Variants in BRINP3 observed in about 807,000 individuals in gnomAD.
BRINP3 encodes the protein BMP/retinoic acid-inducible neural-specific protein 3.
BRINP3 carries 19 observed loss-of-function variants against 71.0 expected under a neutral mutation model. The ratio of observed to expected loss-of-function variants is 0.27; its 90% CI spans 0.19 to 0.39. The LOEUF (loss-of-function observed/expected upper bound fraction) is 0.39. BRINP3 is among the 10% of genes least tolerant of loss of function. BRINP3 has a pLI of 1.00. For missense variants in BRINP3, 959 were observed against 940.8 expected (o/e 1.02, Z -0.25); for synonymous variants, 380 against 337.7 (o/e 1.13, Z -1.37).
At chr1:190,147,480 G>C (rs1216926641) in intron 7 of BRINP3, among the ~76,000 whole-genome samples, 1 of 152,022 alleles carries the variant, frequency 6.6e-6, no homozygotes, top group East Asian at 1.9e-4. Context: ...ATATATGAAA[G>C]TCCTTTTGTT....
intron 2 of BRINP3, among the ~76,000 whole-genome samples, chr1:190,300,618 C>A (rs560510567): frequency 6.6e-6 from 1 of 152,172 alleles, no homozygotes. Flanking sequence ...GGTACCTGAC[C>A]TCTGACCCCC....
At chr1:190,165,661 G>C (rs1335093209) in intron 6 of BRINP3, among the ~76,000 whole-genome samples, 10 of 145,696 alleles carry the variant, frequency 6.9e-5, no homozygotes. Flanking sequence ...TGGAATATGA[G>C]TTCCTTTGTC....
intron 6 of BRINP3, among the ~76,000 whole-genome samples, chr1:190,185,760 G>A (rs1653456877): frequency 6.6e-6 from 1 of 151,968 alleles, no homozygotes; most frequent in Admixed American, 6.6e-5. Flanking sequence ...ACATCTGCAG[G>A]CAATAGAGTT....
chr1:190,467,453 G>A (rs1247270407), intron 1 of BRINP3, among the ~76,000 whole-genome samples: 2 of 151,280 alleles, frequency 1.3e-5, no homozygotes, highest in African/African-American at 2.4e-5. Context: ...TTTTCCAATT[G>A]CCTCCTTAAC....
chr1:190,240,872 CAAAAAAAAAAAAAAA>C (rs71123078), intron 4 of BRINP3, among the ~76,000 whole-genome samples: 2 of 38,270 alleles, frequency 5.2e-5, no homozygotes, highest in African/African-American at 2.3e-4. Flanking sequence ...AACTCTGTCT[CAAAAAAAAAAAAAAA>C]AAAAAAAAAA....
chr1:190,331,826 C>A (rs1401361187), intron 2 of BRINP3, among the ~76,000 whole-genome samples: 4 of 151,960 alleles, frequency 2.6e-5, no homozygotes, highest in Non-Finnish European at 5.9e-5. Context: ...GTGAGCCTAA[C>A]ACAATTAATA....
chr1:190,418,772 G>T (rs1490705582), intron 2 of BRINP3, among the ~76,000 whole-genome samples: 1 of 152,008 alleles, frequency 6.6e-6, no homozygotes, highest in Non-Finnish European at 1.5e-5. Context: ...CGTAAGGTAT[G>T]AAGGGAATAT....
intron 2 of BRINP3, among the ~76,000 whole-genome samples, chr1:190,423,554 G>T (rs1436114011): frequency 6.6e-6 from 1 of 151,566 alleles, no homozygotes. Context: ...TACTTATTTG[G>T]CAATTTGACA....
chr1:190,363,467 C>T (rs1669283258), intron 2 of BRINP3, among the ~76,000 whole-genome samples: 1 of 151,956 alleles, frequency 6.6e-6, no homozygotes, highest in Non-Finnish European at 1.5e-5. Flanking sequence ...AATATATAAC[C>T]AAGAGAGGCA....
At chr1:190,260,039 GA>G (rs11336955) in intron 4 of BRINP3, among the ~76,000 whole-genome samples, 79,537 of 128,632 alleles carry the variant, frequency 0.62, 23,021 homozygotes, top group Admixed American at 0.71. Flanking sequence ...AAAGAAATTG[GA>G]AAAAAAAAAA....
chr1:190,140,721 T>C (rs1022311698), intron 7 of BRINP3, among the ~76,000 whole-genome samples: 1 of 152,206 alleles, frequency 6.6e-6, no homozygotes, highest in African/African-American at 2.4e-5. Context: ...CACATAAACA[T>C]TGAACTAGTC....
intron 2 of BRINP3, among the ~76,000 whole-genome samples, chr1:190,419,301 G>A (rs1209791586): frequency 2.0e-5 from 3 of 151,970 alleles, no homozygotes; most frequent in Non-Finnish European, 1.5e-5. Context: ...TGAATTAAGA[G>A]TTAAGAAATC....
At chr1:190,378,965 G>C (rs1670348987) in intron 2 of BRINP3, among the ~76,000 whole-genome samples, 1 of 152,160 alleles carries the variant, frequency 6.6e-6, no homozygotes, top group African/African-American at 2.4e-5. Flanking sequence ...GAATCACAAA[G>C]TATTTTATAC....
chr1:190,194,676 T>C (rs995203104), intron 6 of BRINP3, among the ~76,000 whole-genome samples: 2 of 152,114 alleles, frequency 1.3e-5, no homozygotes, highest in African/African-American at 4.8e-5. Flanking sequence ...AGAATTGGGA[T>C]AAGCCACTTG....
intron 2 of BRINP3, among the ~76,000 whole-genome samples, chr1:190,287,414 C>T (rs1171241024): frequency 6.6e-6 from 1 of 151,962 alleles, no homozygotes; most frequent in Non-Finnish European, 1.5e-5. Flanking sequence ...TCCCTTTAGC[C>T]CCTTGATACA....
chr1:190,305,244 C>G (rs1251342102), intron 2 of BRINP3, among the ~76,000 whole-genome samples: 2 of 151,852 alleles, frequency 1.3e-5, no homozygotes, highest in Non-Finnish European at 2.9e-5. Context: ...AGCAATTCCA[C>G]TCCTGGGTAA....
intron 2 of BRINP3, among the ~76,000 whole-genome samples, chr1:190,412,426 T>TA (rs1175951858): frequency 1.4e-5 from 2 of 147,090 alleles, no homozygotes; most frequent in Non-Finnish European, 3.0e-5. Context: ...CACTTTTTTT[T>TA]ACTATGTAGT....
intron 2 of BRINP3, among the ~76,000 whole-genome samples, chr1:190,340,046 GA>G (rs1158412918): frequency 6.6e-6 from 1 of 151,780 alleles, no homozygotes; most frequent in East Asian, 1.9e-4. Context: ...AAAGAGGAAA[GA>G]AAAAATAGCT....
intron 2 of BRINP3, among the ~76,000 whole-genome samples, chr1:190,420,763 C>T (rs1235086429): frequency 1.3e-5 from 2 of 151,844 alleles, no homozygotes; most frequent in African/African-American, 4.8e-5. Flanking sequence ...TGTCACTTAT[C>T]CAGGTATCAT....
Sources: gnomAD v4.1 joint callset for allele counts (sites outside exome capture counted in the v4.1 genomes callset) on GRCh38, gnomAD v4.1.1 for gene constraint, MANE v1.5 for transcripts, NCBI Gene and HGNC (gene_info 2026-07-23, HGNC 2026-07-21) for gene names.